MED12L: variants seen among roughly 807,000 people sequenced by gnomAD.
MED12L encodes the protein mediator complex subunit 12L.
A neutral mutation model predicts 281.3 loss-of-function variants in MED12L; 60 were observed. The observed-to-expected ratio is 0.21, with a 90% CI of 0.17 to 0.26. The LOEUF (loss-of-function observed/expected upper bound fraction) is 0.26. Among genes scored for constraint, MED12L ranks in the 10% least tolerant of loss-of-function variants. The pLI, the probability that MED12L is intolerant of heterozygous loss-of-function variation, is 1.00. For synonymous variants in MED12L, 974 were observed against 987.2 expected (o/e 0.99, Z 0.25); for missense variants, 2,146 against 2,680.9 (o/e 0.80, Z 4.41).
intron 16 of MED12L, chr3:151,294,226 T>G: frequency 6.2e-7 from 1 of 1,613,498 alleles, no homozygotes; most frequent in Non-Finnish European, 8.5e-7. Context: ...CACTTTGCAG[T>G]GATCTGATGC....
intron 3 of MED12L, among the ~76,000 whole-genome samples, chr3:151,117,277 G>A (rs1433637631): frequency 1.3e-5 from 2 of 151,960 alleles, no homozygotes; most frequent in Non-Finnish European, 2.9e-5. Flanking sequence ...CCGCTAACCT[G>A]GCTGCTGGTT....
intron 16 of MED12L, among the ~76,000 whole-genome samples, chr3:151,335,767 A>G (rs1490186178): frequency 1.3e-5 from 2 of 152,210 alleles, no homozygotes; most frequent in Non-Finnish European, 2.9e-5. Flanking sequence ...TATGATGTCT[A>G]AGGTCTCTGA....
At chr3:151,347,992 T>C (rs577392917) in intron 16 of MED12L, among the ~76,000 whole-genome samples, 1 of 152,282 alleles carries the variant, frequency 6.6e-6, no homozygotes, top group South Asian at 2.1e-4. Context: ...CACGTGGCTC[T>C]TTCTAGGATG....
At chr3:151,364,542 C>G (rs1755047281) in intron 21 of MED12L, among the ~76,000 whole-genome samples, 1 of 152,168 alleles carries the variant, frequency 6.6e-6, no homozygotes, top group Non-Finnish European at 1.5e-5. Flanking sequence ...ACTGCGTACA[C>G]TATACCAGAG....
intron 11 of MED12L, among the ~76,000 whole-genome samples, chr3:151,178,181 A>AAAAAAAAAAG (rs1560124057): frequency 3.3e-5 from 5 of 149,332 alleles, no homozygotes; most frequent in African/African-American, 1.3e-4. Context: ...AAAAAAAAAA[A>AAAAAAAAAAG]AAAGAAAGTG....
chr3:151,402,055 A>G (rs1715748922), intron 39 of MED12L, among the ~76,000 whole-genome samples: 1 of 152,212 alleles, frequency 6.6e-6, no homozygotes, highest in South Asian at 2.1e-4. Context: ...GGATCTAAAG[A>G]CCAATGTACA....
chr3:151,315,994 A>G (rs1748182454), intron 16 of MED12L, among the ~76,000 whole-genome samples: 1 of 152,200 alleles, frequency 6.6e-6, no homozygotes, highest in South Asian at 2.1e-4. Context: ...AAACTTCCCA[A>G]ACAGTTTGAA....
intron 41 of MED12L, among the ~76,000 whole-genome samples, chr3:151,411,834 CAG>C (rs1716974239): frequency 6.6e-6 from 1 of 152,042 alleles, no homozygotes; most frequent in South Asian, 2.1e-4. Flanking sequence ...ACATATCTAA[CAG>C]AGAAAACTCT....
At chr3:151,311,626 G>C (rs1577303204) in intron 16 of MED12L, among the ~76,000 whole-genome samples, 1 of 152,232 alleles carries the variant, frequency 6.6e-6, no homozygotes, top group East Asian at 1.9e-4. Flanking sequence ...GTGACAACTA[G>C]AATACAATTG....
At chr3:151,327,247 T>C (rs1749723860) in intron 16 of MED12L, 1 of 152,148 alleles carries the variant, frequency 6.6e-6, no homozygotes, top group African/African-American at 2.4e-5. Context: ...CAGGAAGGCA[T>C]TGCTGAGTAG....
chr3:151,237,045 C>CTTTTTTTTT (rs56926535), intron 16 of MED12L, among the ~76,000 whole-genome samples: 1 of 125,890 alleles, frequency 7.9e-6, no homozygotes, highest in African/African-American at 3.0e-5. Flanking sequence ...TGATGCCAAA[C>CTTTTTTTTT]TTTTTTTTTT....
At chr3:151,319,254 C>T (rs1017935629) in intron 16 of MED12L, among the ~76,000 whole-genome samples, 40 of 152,192 alleles carry the variant, frequency 2.6e-4, no homozygotes, top group African/African-American at 8.2e-4. Flanking sequence ...TTCACATAAT[C>T]GAAAGGTAAA....
At chr3:151,165,019 C>G (rs186843415) in intron 9 of MED12L, among the ~76,000 whole-genome samples, 1 of 92,288 alleles carries the variant, frequency 1.1e-5, no homozygotes, top group East Asian at 2.6e-4. Context: ...AAAATAAAAT[C>G]ATATTCATCC....
intron 16 of MED12L, among the ~76,000 whole-genome samples, chr3:151,292,564 C>T (rs763413583): frequency 1.3e-4 from 19 of 151,074 alleles, no homozygotes; most frequent in Non-Finnish European, 2.2e-4. Context: ...AGCCACTGCG[C>T]GCAGCTTGCT....
At chr3:151,126,552 AT>A (rs2148795893) in intron 4 of MED12L, among the ~76,000 whole-genome samples, 1 of 152,348 alleles carries the variant, frequency 6.6e-6, no homozygotes, top group South Asian at 2.1e-4. Context: ...GTGCACAGAT[AT>A]CCACTGTATG....
At chr3:151,316,629 C>T (rs1001252904) in intron 16 of MED12L, 2 of 152,178 alleles carry the variant, frequency 1.3e-5, no homozygotes, top group African/African-American at 4.8e-5. Context: ...CATACGGTGT[C>T]TTCAAGTTGA....
At chr3:151,342,200 TAA>T (rs1377039996) in intron 16 of MED12L, among the ~76,000 whole-genome samples, 1 of 152,180 alleles carries the variant, frequency 6.6e-6, no homozygotes, top group East Asian at 1.9e-4. Context: ...ACCAACAGTG[TAA>T]AAGTGTTCCT....
rs113459119 is a variant in MED12L at position 151,237,051 on chromosome 3, T to C, written c.2250+43385T>C. On this transcript the variant is annotated intron_variant, in intron 16 of 44. Coordinates refer to ENST00000687756, the MANE Select transcript of MED12L (RefSeq NM_001393769.1). ...TTCAGGAAGTGATGCCAAACTTTTT[T>C]TTTTTTTTTTTTTTTGAGACGGAAT... Among the ~76,000 whole-genome samples the C allele has an allele frequency of 5.8e-3, 867 of 150,270 alleles. 4 individuals are homozygous for C. The highest frequency in any genetic ancestry group is 0.01 in the Non-Finnish European group (685 of 67,526).
intron 11 of MED12L, among the ~76,000 whole-genome samples, chr3:151,172,468 GCA>G (rs556139835): frequency 3.5e-4 from 53 of 152,322 alleles, no homozygotes; most frequent in African/African-American, 1.3e-3. Context: ...GCTACTGTGG[GCA>G]CACACAGATA....
Sources: gnomAD v4.1 joint callset for allele counts (sites outside exome capture counted in the v4.1 genomes callset) on GRCh38, gnomAD v4.1.1 for gene constraint, MANE v1.5 for transcripts, NCBI Gene and HGNC (gene_info 2026-07-23, HGNC 2026-07-21) for gene names.